Variants in ITPR1 observed in about 807,000 individuals in gnomAD.
ITPR1 encodes inositol 1,4,5-trisphosphate receptor type 1.
A neutral mutation model predicts 318.4 loss-of-function variants in ITPR1; 96 were observed. The ratio of observed to expected loss-of-function variants is 0.30; its 90% confidence interval spans 0.26 to 0.36. The LOEUF (loss-of-function observed/expected upper bound fraction) is 0.36, where lower values mean the gene tolerates loss of function less well. ITPR1 is among the 10% of genes least tolerant of loss of function. The pLI is 1.00. For synonymous variants in ITPR1, 1,312 were observed against 1,289.9 expected (o/e 1.02, Z -0.37); for missense variants, 2,440 against 3,460.2 (o/e 0.71, Z 7.40).
Position 4,710,562 on chromosome 3 carries a change from T to C in ITPR1, c.4991+89T>C. 1 of 1,358,990 alleles carries C rather than the reference T, an allele frequency of 7.4e-7. No individual in the cohort carries two copies. 84.2% of individuals were successfully genotyped at this position (1,358,990 alleles called of 1,614,324 possible). A position where few individuals can be genotyped will look rare whatever the true frequency, so the allele number is the denominator to read the frequency against. On this transcript the variant is annotated intron_variant, in intron 38 of 61. Coordinates refer to ENST00000649015, the MANE Select transcript of ITPR1 (RefSeq NM_001378452.1). This position sits in a 1 kb window ranked among gnomAD's most constrained non-coding sequence, Gnocchi z 4.2. ...GTTCCCGAAGAAGGAGACGTTGTCC[T>C]GTTTTTTAACTTTGATGAATGCAAG... is the stretch of plus-strand genomic sequence containing the variant.
At chr3:4,762,218 G>C (rs917182004) in intron 44 of ITPR1, among the ~76,000 whole-genome samples, 1 of 152,062 alleles carries the variant, frequency 6.6e-6, no homozygotes, top group Non-Finnish European at 1.5e-5. Flanking sequence ...TGCCCAGGTA[G>C]GCCTTGTAAC....
intron 4 of ITPR1, among the ~76,000 whole-genome samples, chr3:4,612,543 G>A (rs1331673334): frequency 6.6e-6 from 1 of 151,426 alleles, no homozygotes; most frequent in East Asian, 1.9e-4. Context: ...TGATCATTTT[G>A]AAGTACATGT....
intron 57 of ITPR1, among the ~76,000 whole-genome samples, chr3:4,813,607 C>T (rs2049083503): frequency 6.6e-6 from 1 of 152,032 alleles, no homozygotes; most frequent in South Asian, 2.1e-4. Flanking sequence ...AGCGTATCAT[C>T]AAGAAAGTGA....
In ITPR1 at chr3:4,766,685, C is replaced by G. The variant is rs746742660; in HGVS notation, c.5700C>G (p.Asp1900Glu). ...ATAAAAAGAAAGACGATGAGGTAGACAGGGATGCCCCATCACGGAAAAAAG... is the reference window on the plus strand; with the variant it reads ...ATAAAAAGAAAGACGATGAGGTAGAGAGGGATGCCCCATCACGGAAAAAAG... ...LGNKKKDDEV[D>E]RDAPSRKKAK... Residue 1900 changes from aspartate (D) to glutamate (E), a missense_variant, in exon 45 of 62, where the codon GAC becomes GAG. Coordinates refer to ENST00000649015, the MANE Select transcript of ITPR1 (RefSeq NM_001378452.1). 3.5e-5 allele frequency: 57 copies of G among 1,606,000 alleles called. No homozygotes were observed. The highest frequency in any genetic ancestry group is 4.8e-5 in the Non-Finnish European group (56 of 1,175,786).
At chr3:4,671,267 C>T (rs1217331292) in intron 20 of ITPR1, among the ~76,000 whole-genome samples, 1 of 152,088 alleles carries the variant, frequency 6.6e-6, no homozygotes, top group Non-Finnish European at 1.5e-5. Context: ...TTGACATTGG[C>T]CAAGTTTGAT....
chr3:4,748,609 A>G (rs1436778408), intron 44 of ITPR1, among the ~76,000 whole-genome samples: 2 of 152,182 alleles, frequency 1.3e-5, no homozygotes, highest in African/African-American at 4.8e-5. Context: ...CTTGAGGGTA[A>G]GAGTGAAGGC....
chr3:4,614,900 T>G (rs973738423), intron 4 of ITPR1, among the ~76,000 whole-genome samples: 1 of 152,222 alleles, frequency 6.6e-6, no homozygotes, highest in Non-Finnish European at 1.5e-5. Flanking sequence ...TTGTGTATTT[T>G]CATTCCCAGC....
At chr3:4,495,612 G>T (rs976104818) in intron 2 of ITPR1, among the ~76,000 whole-genome samples, 6 of 152,188 alleles carry the variant, frequency 3.9e-5, no homozygotes, top group African/African-American at 1.4e-4. Context: ...CTGGTCCACA[G>T]ACTCTTTTCT....
chr3:4,506,663 A>G (rs2081416755), intron 2 of ITPR1, among the ~76,000 whole-genome samples: 1 of 152,224 alleles, frequency 6.6e-6, no homozygotes, highest in Admixed American at 6.5e-5. Flanking sequence ...TAGGGGTGGC[A>G]TATAGTAGGT....
At chr3:4,757,730 G>A (rs2045113744) in intron 44 of ITPR1, among the ~76,000 whole-genome samples, 1 of 152,210 alleles carries the variant, frequency 6.6e-6, no homozygotes, top group African/African-American at 2.4e-5. Flanking sequence ...ATGAGATAAT[G>A]CATATAAAGC....
At chr3:4,685,683 GTCT>G (rs1340754601) in intron 30 of ITPR1, among the ~76,000 whole-genome samples, 3 of 152,174 alleles carry the variant, frequency 2.0e-5, no homozygotes, top group East Asian at 3.9e-4. Flanking sequence ...TTTGATCTAG[GTCT>G]TCTTTTCTGT....
At chr3:4,607,057 A>G (rs1440656686) in intron 4 of ITPR1, among the ~76,000 whole-genome samples, 1 of 152,188 alleles carries the variant, frequency 6.6e-6, no homozygotes, top group East Asian at 1.9e-4. Context: ...CCAAACAACA[A>G]TAATATCGAA....
intron 4 of ITPR1, among the ~76,000 whole-genome samples, chr3:4,592,300 C>T (rs985886185): frequency 2.6e-5 from 4 of 152,188 alleles, no homozygotes; most frequent in Admixed American, 6.5e-5. Context: ...TTTGGTCTCT[C>T]TTATGCACCT....
intron 43 of ITPR1, among the ~76,000 whole-genome samples, chr3:4,733,473 G>T (rs530213976): frequency 6.6e-6 from 1 of 152,120 alleles, no homozygotes; most frequent in South Asian, 2.1e-4. Flanking sequence ...TGACCATCTT[G>T]GTGATGGTTG....
Position 4,685,107 on chromosome 3 carries a change from T to A in ITPR1, c.3603T>A (p.Ser1201Arg). Reference protein sequence around the residue: ...IRLSKLCVQESASVRKSRKQQ... With the variant: ...IRLSKLCVQERASVRKSRKQQ... ...TTAGCAAACTCTGTGTTCAAGAGAG[T>A]GCCTCAGTGAGAAAGAGCAGGAAGC... The change falls in exon 30 of 62, where the codon AGT becomes AGA. Residue 1201 changes from serine to arginine, a missense_variant. Transcript: ENST00000649015. 6.2e-7 allele frequency: 1 copy of A among 1,611,152 alleles called. No individual in the cohort carries two copies. Among genetic ancestry groups the A allele is most frequent in the East Asian group, 2.2e-5 (1 of 44,806 alleles).
chr3:4,519,461 G>A (rs904958560), intron 3 of ITPR1, among the ~76,000 whole-genome samples: 1 of 152,132 alleles, frequency 6.6e-6, no homozygotes, highest in African/African-American at 2.4e-5. Flanking sequence ...TCTTGACCTC[G>A]TGATCCGCCT....
In ITPR1 at chr3:4,676,851, A is replaced by G. The variant is rs762308768; in HGVS notation, c.2967+50A>G. 6.3e-6 allele frequency: 9 copies of G among 1,419,098 alleles called. No homozygotes were observed. The East Asian group carries it at 7.0e-5, about 11-fold the overall frequency. The allele number at this position is 1,419,098 out of a possible 1,614,324, so 87.9% of individuals were successfully genotyped here. ...AGGGAGGGTATGTCACAGAGGCGCC[A>G]TTCAGATCCAGTCCCTCTGTTCTGA... is the stretch of plus-strand genomic sequence containing the variant. On this transcript the variant is annotated intron_variant, in intron 24 of 61. Transcript: ENST00000649015.
chr3:4,738,529 T>G (rs1189334347), intron 44 of ITPR1, among the ~76,000 whole-genome samples: 2 of 152,144 alleles, frequency 1.3e-5, no homozygotes, highest in Non-Finnish European at 2.9e-5. Context: ...GATGACCAGG[T>G]GCACAAAGGC....
chr3:4,731,656 A>G lies in ITPR1; in HGVS notation c.5221-1432A>G, dbSNP rs2042934134. Among the ~76,000 whole-genome samples, 3 of 152,200 alleles carry G rather than the reference A, an allele frequency of 2.0e-5. No individual in the cohort carries two copies. The South Asian group carries it at 6.2e-4, about 32-fold the overall frequency. ...AATTAGCAGCATGAATTAACAGAGT[A>G]GATAAACCCTTTCTGGGACTTTCCA... is the stretch of plus-strand genomic sequence containing the variant. On this transcript the variant is annotated intron_variant, in intron 42 of 61. Transcript: ENST00000649015.
Sources: gnomAD v4.1 joint callset for allele counts (sites outside exome capture counted in the v4.1 genomes callset) on GRCh38, gnomAD v4.1.1 for gene constraint, Gnocchi (gnomAD v3.1) non-coding constraint, MANE v1.5 for transcripts, NCBI Gene and HGNC (gene_info 2026-07-23, HGNC 2026-07-21) for gene names.